The following PPP2R1B variants were observed in gnomAD, a reference collection of about 807,000 sequenced individuals.
The protein encoded by PPP2R1B is serine/threonine-protein phosphatase 2A 65 kDa regulatory subunit A beta isoform.
In PPP2R1B, 58 loss-of-function variants were observed where a neutral mutation model predicts 72.7. The ratio of observed to expected loss-of-function variants is 0.80; its 90% CI spans 0.65 to 0.99. The LOEUF is 0.99. Among genes scored for constraint, PPP2R1B ranks in the 50% least tolerant of loss-of-function variants. PPP2R1B has a pLI of 0.00. For missense variants in PPP2R1B, 695 were observed against 733.6 expected (o/e 0.95, Z 0.61); for synonymous variants, 256 against 264.6 (o/e 0.97, Z 0.32).
chr11:111,699,060 G>A, the PPP2R1B span, among the ~76,000 whole-genome samples: 2 of 152,316 alleles, frequency 1.3e-5, no homozygotes, highest in Non-Finnish European at 2.9e-5. Context: ...GAGATATGAT[G>A]TTCTAGGAGT....
At chr11:111,719,000 G>C in the PPP2R1B span, 3 of 152,378 alleles carry the variant, frequency 2.0e-5, no homozygotes, top group Middle Eastern at 3.4e-3. Context: ...ATGCTTGCGG[G>C]GAGCTGTGCT....
the PPP2R1B span, among the ~76,000 whole-genome samples, chr11:111,702,756 C>T: frequency 6.6e-6 from 1 of 152,170 alleles, no homozygotes; most frequent in Non-Finnish European, 1.5e-5. Flanking sequence ...ATTTTATGTA[C>T]ACTTTTCTCA....
chr11:111,756,879 C>T (rs560545677), intron 5 of PPP2R1B, among the ~76,000 whole-genome samples: 9 of 152,040 alleles, frequency 5.9e-5, no homozygotes, highest in African/African-American at 9.6e-5. Context: ...TTTGGGAGGC[C>T]GAGGCAGGCG....
At chr11:111,688,538 A>C in the PPP2R1B span, among the ~76,000 whole-genome samples, 1 of 152,218 alleles carries the variant, frequency 6.6e-6, no homozygotes, top group Non-Finnish European at 1.5e-5. This position sits in a 1 kb window ranked among gnomAD's most constrained non-coding sequence, Gnocchi z 4.2. Context: ...TGATGGCTAC[A>C]GCCAGAAGCA....
rs141229506 is a variant in PPP2R1B at position 111,756,313 on chromosome 11, A to G, written c.688-863T>C. The stretch of plus-strand genomic sequence containing the variant: ...AAATGACTTTGTACTATGAGTAAAC[A>G]GCAAAGTAATTACCTTGGCTAGAAT... On this transcript the variant is annotated intron_variant, in intron 5 of 14. Transcript: ENST00000527614. 1.3e-3 allele frequency among the ~76,000 whole-genome samples: 198 copies of G among 152,208 alleles called. 2 individuals carry two copies. The highest frequency in any genetic ancestry group is 4.6e-3 in the African/African-American group (191 of 41,568).
In PPP2R1B at chr11:111,757,285, C is replaced by T. The variant is rs79031855; in HGVS notation, c.688-1835G>A. 4.9e-4 allele frequency among the ~76,000 whole-genome samples: 75 copies of T among 152,126 alleles called. 2 individuals are homozygous for T. The East Asian group carries it at 6.9e-3, about 14-fold the overall frequency. ...GTGTACAATAACAGTTATGTATATA[C>T]GTATACACATACTTGAGAGACATAA... is the stretch of plus-strand genomic sequence containing the variant. On this transcript the variant is annotated intron_variant, in intron 5 of 14. Transcript: ENST00000527614.
At chr11:111,716,361 G>T in the PPP2R1B span, among the ~76,000 whole-genome samples, 2 of 152,038 alleles carry the variant, frequency 1.3e-5, no homozygotes. Flanking sequence ...TGGATCACCT[G>T]AGGTCAGGAG....
In PPP2R1B at chr11:111,739,247, G is replaced by T. The variant is rs763446338; in HGVS notation, c.*2349C>A. The T allele has an allele frequency of 9.3e-6, 9 of 972,256 alleles. No individual in the cohort carries two copies. The highest frequency in any genetic ancestry group is 1.1e-5 in the Non-Finnish European group (9 of 818,180). 60.2% of individuals were successfully genotyped at this position (972,256 alleles called of 1,614,324 possible). A position where few individuals can be genotyped will look rare whatever the true frequency, so the allele number is the denominator to read the frequency against. Reference sequence around the variant, plus strand: ...TGTTCCAGGCACTGGCGATACAGTAGAAGATAAAACAGACAAAAATACCAG... The same window carrying T: ...TGTTCCAGGCACTGGCGATACAGTATAAGATAAAACAGACAAAAATACCAG... On this transcript the variant is annotated 3_prime_UTR_variant, in exon 15 of 15. Coordinates refer to ENST00000527614, the MANE Select transcript of PPP2R1B (RefSeq NM_002716.5).
At chr11:111,700,416 C>T in the PPP2R1B span, among the ~76,000 whole-genome samples, 4,297 of 152,202 alleles carry the variant, frequency 0.028, 201 homozygotes, top group African/African-American at 0.096. Context: ...ACTCAGTTGC[C>T]TTCAAGGGTT....
At chr11:111,712,817 G>A in the PPP2R1B span, among the ~76,000 whole-genome samples, 3 of 152,130 alleles carry the variant, frequency 2.0e-5, no homozygotes, top group Non-Finnish European at 4.4e-5. Flanking sequence ...ATGATGGGCC[G>A]TCTTTTGTGA....
In PPP2R1B at chr11:111,754,896, GAAC is replaced by G. The variant is rs1403161279; in HGVS notation, c.958+81_958+83del. 26 of 1,271,040 alleles carry G rather than the reference GAAC, an allele frequency of 2.0e-5. No individual in the cohort carries two copies. The African/African-American group carries it at 2.4e-4, about 12-fold the overall frequency. 78.7% of individuals were successfully genotyped at this position (1,271,040 alleles called of 1,614,324 possible). ...CTATGTATTTTAAAAACATATTCTAGAACAAAAAACATGCAAAATTGACTAACA... is the reference window on the plus strand; with the variant it reads ...CTATGTATTTTAAAAACATATTCTAGAAAAAACATGCAAAATTGACTAACA... On this transcript the variant is annotated intron_variant, in intron 7 of 14. Coordinates refer to ENST00000527614, the MANE Select transcript of PPP2R1B (RefSeq NM_002716.5).
chr11:111,727,060 G>A (rs1188129712), intron 15 of PPP2R1B: 1 of 1,613,252 alleles, frequency 6.2e-7, no homozygotes, highest in Non-Finnish European at 8.5e-7. Flanking sequence ...ACTGGTCCCT[G>A]TAAGGCAAAC....
chr11:111,754,420 TAAAC>T (rs1201936229), intron 8 of PPP2R1B, 75 bp downstream of exon 8: 34 of 1,523,790 alleles, frequency 2.2e-5, no homozygotes, highest in Admixed American at 5.1e-5. Flanking sequence ...AGCTTTAAGG[TAAAC>T]AAACAAACAA....
At chr11:111,757,679 C>G (rs532162242) in intron 5 of PPP2R1B, among the ~76,000 whole-genome samples, 50 of 151,856 alleles carry the variant, frequency 3.3e-4, no homozygotes, top group Non-Finnish European at 1.3e-4. Flanking sequence ...ACTGAAAATA[C>G]AAAAAATTAG....
At chr11:111,755,905 A>G (rs1945096736) in intron 5 of PPP2R1B, among the ~76,000 whole-genome samples, 1 of 151,996 alleles carries the variant, frequency 6.6e-6, no homozygotes, top group Non-Finnish European at 1.5e-5. Flanking sequence ...CCGTGTATTT[A>G]TATCTTGAAA....
chr11:111,757,835 C>CAA (rs1334506925), intron 5 of PPP2R1B, among the ~76,000 whole-genome samples: 5,393 of 102,940 alleles, frequency 0.052, 385 homozygotes, highest in African/African-American at 0.17. Context: ...AACTCCATCT[C>CAA]AAAAAAAAAA....
rs782553673 is a variant in PPP2R1B at position 111,755,460 on chromosome 11, C to A, written c.688-10G>T. ...GGAGGCGCACTGAATCCTAAAGGAA[C>A]AAAATTTCTGTAATTCAGACATTTA... On this transcript the variant is annotated splice_polypyrimidine_tract_variant and intron_variant, in intron 5 of 14. Transcript: ENST00000527614. 5 of 1,591,388 alleles carry A rather than the reference C, an allele frequency of 3.1e-6. No homozygotes were observed. In the African/African-American group the frequency reaches 5.4e-5, roughly 17 times the overall value.
At chr11:111,716,741 A>G in the PPP2R1B span, among the ~76,000 whole-genome samples, 34 of 152,216 alleles carry the variant, frequency 2.2e-4, no homozygotes, top group Middle Eastern at 6.3e-3. Context: ...CTGACAATTT[A>G]AGTAAAACCG....
the PPP2R1B span, among the ~76,000 whole-genome samples, chr11:111,694,071 A>C: frequency 6.6e-6 from 1 of 152,224 alleles, no homozygotes; most frequent in Non-Finnish European, 1.5e-5. Context: ...CCCGGCACAC[A>C]GTGCTAGTTA....
Sources: gnomAD v4.1 joint callset for allele counts (sites outside exome capture counted in the v4.1 genomes callset) on GRCh38, gnomAD v4.1.1 for gene constraint, Gnocchi (gnomAD v3.1) non-coding constraint, MANE v1.5 for transcripts, NCBI Gene and HGNC (gene_info 2026-07-23, HGNC 2026-07-21) for gene names.